Variants in ARK2C observed in about 807,000 individuals in gnomAD.
ARK2C encodes the protein E3 ubiquitin-protein ligase ARK2C.
At chr18:46,376,133 C>T in the ARK2C span, among the ~76,000 whole-genome samples, 1 of 152,212 alleles carries the variant, frequency 6.6e-6, no homozygotes, top group African/African-American at 2.4e-5. Context: ...CTATGGACTT[C>T]TCTTGGCACC....
At chr18:46,431,684 A>T in the ARK2C span, among the ~76,000 whole-genome samples, 6 of 152,076 alleles carry the variant, frequency 3.9e-5, no homozygotes, top group African/African-American at 1.4e-4. Flanking sequence ...CCTCGGGTCA[A>T]CCCCCACTCC....
chr18:46,350,831 A>G, the ARK2C span, among the ~76,000 whole-genome samples: 9,034 of 152,270 alleles, frequency 0.059, 876 homozygotes, highest in African/African-American at 0.2. Context: ...CCAATATTAT[A>G]TCTCTGACAT....
chr18:46,421,375 C>T, the ARK2C span, among the ~76,000 whole-genome samples: 1 of 152,152 alleles, frequency 6.6e-6, no homozygotes, highest in Non-Finnish European at 1.5e-5. Context: ...ATCATTCATT[C>T]ATTCATTCAT....
At chr18:46,355,685 G>A in the ARK2C span, among the ~76,000 whole-genome samples, 1 of 152,060 alleles carries the variant, frequency 6.6e-6, no homozygotes, top group African/African-American at 2.4e-5. Flanking sequence ...GCCCCTGGCT[G>A]CCCCTGAACT....
the ARK2C span, among the ~76,000 whole-genome samples, chr18:46,415,953 TG>T: frequency 6.6e-6 from 1 of 151,890 alleles, no homozygotes; most frequent in Non-Finnish European, 1.5e-5. Context: ...GCCTTGAAAA[TG>T]GAAACCAATT....
the ARK2C span, among the ~76,000 whole-genome samples, chr18:46,345,911 T>G: frequency 2.6e-5 from 4 of 152,140 alleles, no homozygotes; most frequent in African/African-American, 9.7e-5. Context: ...TTCCCAGAGC[T>G]TGGGGACCCA....
chr18:46,366,162 C>G, the ARK2C span, among the ~76,000 whole-genome samples: 1 of 151,782 alleles, frequency 6.6e-6, no homozygotes, highest in African/African-American at 2.4e-5. Flanking sequence ...CGTGGTGGCA[C>G]ATGTCTGTAA....
At chr18:46,359,426 C>T in the ARK2C span, among the ~76,000 whole-genome samples, 11 of 152,102 alleles carry the variant, frequency 7.2e-5, no homozygotes, top group African/African-American at 2.7e-4. Flanking sequence ...GGGACCTGAC[C>T]ACTGATGAGC....
chr18:46,363,459 C>T, the ARK2C span, among the ~76,000 whole-genome samples: 5 of 152,200 alleles, frequency 3.3e-5, no homozygotes, highest in East Asian at 5.8e-4. Flanking sequence ...AGACAGTGCC[C>T]GTTCCTGGCT....
the ARK2C span, among the ~76,000 whole-genome samples, chr18:46,371,991 C>T: frequency 5.9e-5 from 9 of 152,288 alleles, no homozygotes; most frequent in East Asian, 9.6e-4. Flanking sequence ...ATGTCACTTC[C>T]GAGAGCTGAC....
At chr18:46,460,978 C>T in the ARK2C span, 2 of 152,434 alleles carry the variant, frequency 1.3e-5, no homozygotes, top group Non-Finnish European at 2.9e-5. Context: ...CTCCCACAAC[C>T]TCAGCCCACC....
the ARK2C span, among the ~76,000 whole-genome samples, chr18:46,413,743 CTG>C: frequency 2.6e-5 from 4 of 152,074 alleles, no homozygotes; most frequent in Non-Finnish European, 5.9e-5. Flanking sequence ...AAAAACTGCT[CTG>C]TGTGTTTTAA....
the ARK2C span, among the ~76,000 whole-genome samples, chr18:46,345,648 C>T: frequency 3.9e-5 from 6 of 152,314 alleles, no homozygotes; most frequent in South Asian, 4.1e-4. Flanking sequence ...AGGATGGACA[C>T]GGTTTCTAGT....
chr18:46,412,048 G>A, the ARK2C span, among the ~76,000 whole-genome samples: 1 of 152,200 alleles, frequency 6.6e-6, no homozygotes, highest in Non-Finnish European at 1.5e-5. Context: ...GTCAGTTGGT[G>A]CTATTTTTAA....
chr18:46,334,695 TGTGTGTGTGTGTGTGTGTGTGA>T, the ARK2C span: 202 of 311,562 alleles, frequency 6.5e-4, 1 homozygote, highest in Middle Eastern at 7.9e-3. This position sits in a 1 kb window ranked among gnomAD's most constrained non-coding sequence, Gnocchi z 4.4. Flanking sequence ...TGTGTGTGTG[TGTGTGTGTGTGTGTGTGTGTGA>T]GAGAGAGAGA....
the ARK2C span, chr18:46,433,042 C>A: frequency 1.8e-6 from 1 of 566,118 alleles, no homozygotes; most frequent in South Asian, 2.7e-5. Context: ...TAAGGATGAC[C>A]ACATGCCTCT....
the ARK2C span, chr18:46,456,653 T>C: frequency 1.9e-6 from 3 of 1,549,068 alleles, no homozygotes; most frequent in South Asian, 1.1e-5. Context: ...AATTAGCCAG[T>C]GGACACCCCA....
At chr18:46,427,819 C>T in the ARK2C span, among the ~76,000 whole-genome samples, 2 of 152,178 alleles carry the variant, frequency 1.3e-5, no homozygotes, top group Non-Finnish European at 2.9e-5. Flanking sequence ...TAGCCACTGC[C>T]AGGTGCCAAA....
the ARK2C span, among the ~76,000 whole-genome samples, chr18:46,352,940 C>G: frequency 8.5e-4 from 130 of 152,332 alleles, no homozygotes; most frequent in African/African-American, 3.0e-3. Flanking sequence ...TGGAGCTCCT[C>G]CTTTGTCTAC....
Sources: gnomAD v4.1 joint callset for allele counts (sites outside exome capture counted in the v4.1 genomes callset) on GRCh38, gnomAD v4.1.1 for gene constraint, Gnocchi (gnomAD v3.1) non-coding constraint, MANE v1.5 for transcripts, NCBI Gene and HGNC (gene_info 2026-07-23, HGNC 2026-07-21) for gene names.